AGBL1: variants seen among roughly 807,000 people sequenced by gnomAD.
AGBL1 encodes the protein cytosolic carboxypeptidase 4.
Under a neutral mutation model 118.9 loss-of-function variants are expected in AGBL1, and 130 were observed. The observed-to-expected ratio is 1.09, with a 90% CI of 0.95 to 1.26. The LOEUF (loss-of-function observed/expected upper bound fraction) is 1.26, where lower values mean the gene tolerates loss of function less well. Ranked by LOEUF, AGBL1 falls within the 50% of genes most tolerant of loss-of-function variation. The probability of loss-of-function intolerance (pLI) is 0.00; values close to 1 mark genes in which losing one functional copy is unlikely to be tolerated. For synonymous variants in AGBL1, 555 were observed against 478.9 expected (o/e 1.16, Z -2.08); for missense variants, 1,584 against 1,298.1 (o/e 1.22, Z -3.38).
intron 23 of AGBL1, among the ~76,000 whole-genome samples, chr15:86,926,826 C>G (rs1414459455): frequency 6.6e-6 from 1 of 152,182 alleles, no homozygotes; most frequent in African/African-American, 2.4e-5. Flanking sequence ...ACTTTTAGAA[C>G]TATTGCATTG....
intron 22 of AGBL1, among the ~76,000 whole-genome samples, chr15:86,899,577 T>C (rs1305846507): frequency 6.6e-6 from 1 of 152,190 alleles, no homozygotes; most frequent in South Asian, 2.1e-4. Flanking sequence ...TTCAAAATCT[T>C]AAAATTCTTT....
At chr15:86,851,894 G>A (rs1420102672) in intron 22 of AGBL1, among the ~76,000 whole-genome samples, 3 of 152,102 alleles carry the variant, frequency 2.0e-5, no homozygotes, top group African/African-American at 4.8e-5. Context: ...GACTCATTGT[G>A]GTGAATGGTT....
chr15:86,458,177 CA>C (rs532293019), intron 18 of AGBL1, among the ~76,000 whole-genome samples: 165 of 152,010 alleles, frequency 1.1e-3, no homozygotes, highest in Non-Finnish European at 1.8e-3. Context: ...AAGAAATGTA[CA>C]AAAATCAAGC....
intron 21 of AGBL1, among the ~76,000 whole-genome samples, chr15:86,618,615 A>G (rs1870579504): frequency 6.6e-6 from 1 of 152,186 alleles, no homozygotes; most frequent in Admixed American, 6.5e-5. Flanking sequence ...TATTTATGTC[A>G]CATGTATAGT....
At chr15:86,215,038 G>C (rs1447771281) in intron 5 of AGBL1, among the ~76,000 whole-genome samples, 1 of 152,142 alleles carries the variant, frequency 6.6e-6, no homozygotes, top group Admixed American at 6.6e-5. Flanking sequence ...CTGGGCACAG[G>C]ATCTGGTTCC....
intron 22 of AGBL1, among the ~76,000 whole-genome samples, chr15:86,794,726 G>C (rs2141336995): frequency 6.6e-6 from 1 of 152,132 alleles, no homozygotes; most frequent in African/African-American, 2.4e-5. Context: ...TCTGAAACTG[G>C]ACAGCCCTTA....
At chr15:86,170,860 C>A (rs1278915860) in intron 5 of AGBL1, among the ~76,000 whole-genome samples, 34 of 141,610 alleles carry the variant, frequency 2.4e-4, no homozygotes, top group Admixed American at 2.2e-3. Context: ...AAAACAAAAA[C>A]AAACAAAAAA....
At chr15:86,251,668 C>G (rs1459857037) in intron 7 of AGBL1, among the ~76,000 whole-genome samples, 2 of 152,036 alleles carry the variant, frequency 1.3e-5, no homozygotes, top group Non-Finnish European at 2.9e-5. Flanking sequence ...TCCTGAGTCT[C>G]ACGTTTCTGC....
Position 86,247,884 on chromosome 15 carries a change from G to T in AGBL1, c.735+5G>T, listed in dbSNP as rs1449118080. ...ATCCTCTTCAGCACCACACAGGCAG[G>T]CAGCATGGGGATTCACTCTGCAGCT... On this transcript the variant is annotated splice_donor_5th_base_variant and intron_variant, in intron 7 of 22. Coordinates refer to ENST00000614907, the MANE Select transcript of AGBL1 (RefSeq NM_001386094.1). 7 of 1,613,628 alleles carry T rather than the reference G, an allele frequency of 4.3e-6. No individual in the cohort carries two copies. Among genetic ancestry groups the T allele is most frequent in the Non-Finnish European group, 5.9e-6 (7 of 1,179,874 alleles).
Position 86,931,442 on chromosome 15 carries a change from A to G in AGBL1, c.3222-56545A>G, listed in dbSNP as rs1366519829. Among the ~76,000 whole-genome samples, 6 of 152,246 alleles carry G rather than the reference A, an allele frequency of 3.9e-5. No homozygotes were observed. In the South Asian group the frequency reaches 1.2e-3, roughly 32 times the overall value. ...CTCCTGCTGCAAAACCTGGGTAGGA[A>G]TGTTTGGCCTTACCATGCTGGGCAA... On this transcript the variant is annotated intron_variant, in intron 23 of 24. Coordinates refer to the AGBL1 transcript ENST00000441037.
intron 17 of AGBL1, among the ~76,000 whole-genome samples, chr15:86,342,982 G>T (rs1327380745): frequency 6.6e-6 from 1 of 152,146 alleles, no homozygotes; most frequent in Non-Finnish European, 1.5e-5. Context: ...AAATGTAGTT[G>T]TATTGCTGCA....
intron 5 of AGBL1, among the ~76,000 whole-genome samples, chr15:86,199,776 G>A (rs180838514): frequency 9.2e-5 from 14 of 152,134 alleles, no homozygotes; most frequent in Admixed American, 2.6e-4. Context: ...TAAAATTTGC[G>A]TAGTGTTTAT....
chr15:86,903,517 G>A (rs893227481), intron 22 of AGBL1, among the ~76,000 whole-genome samples: 1 of 152,002 alleles, frequency 6.6e-6, no homozygotes, highest in Non-Finnish European at 1.5e-5. Context: ...CTTGCTGTTG[G>A]CATGTCTTGA....
chr15:86,607,278 A>T (rs1026089744), intron 21 of AGBL1, among the ~76,000 whole-genome samples: 5 of 152,152 alleles, frequency 3.3e-5, no homozygotes, highest in Non-Finnish European at 7.4e-5. Flanking sequence ...GGGGATTGGA[A>T]GCCAATTGGG....
intron 17 of AGBL1, among the ~76,000 whole-genome samples, chr15:86,358,027 G>T (rs953309206): frequency 6.6e-6 from 1 of 152,100 alleles, no homozygotes; most frequent in African/African-American, 2.4e-5. Flanking sequence ...TAATTTTTTT[G>T]TGGTGAGAAC....
At chr15:86,850,943 C>A (rs1368699072) in intron 22 of AGBL1, among the ~76,000 whole-genome samples, 1 of 152,072 alleles carries the variant, frequency 6.6e-6, no homozygotes, top group Non-Finnish European at 1.5e-5. Flanking sequence ...TTGCCATGCC[C>A]ATTTTATTGA....
At chr15:86,795,606 C>A (rs577190547) in intron 22 of AGBL1, among the ~76,000 whole-genome samples, 3 of 147,144 alleles carry the variant, frequency 2.0e-5, no homozygotes, top group African/African-American at 5.0e-5. Flanking sequence ...TTTTTTGAGA[C>A]GGAATTTCAC....
intron 5 of AGBL1, among the ~76,000 whole-genome samples, chr15:86,190,650 G>A (rs1208810626): frequency 6.6e-6 from 1 of 152,166 alleles, no homozygotes; most frequent in Non-Finnish European, 1.5e-5. Flanking sequence ...GACTCAGGCT[G>A]TGTAAAGACA....
chr15:86,984,079 G>A (rs1368926405), intron 23 of AGBL1, among the ~76,000 whole-genome samples: 2 of 152,096 alleles, frequency 1.3e-5, no homozygotes, highest in Non-Finnish European at 2.9e-5. Flanking sequence ...TGTATGGTAA[G>A]TCCTATGTTT....
Sources: allele counts gnomAD v4.1 joint callset (sites outside exome capture counted in the v4.1 genomes callset), GRCh38; gene constraint gnomAD v4.1.1; transcripts MANE v1.5; gene names NCBI Gene and HGNC (gene_info 2026-07-23, HGNC 2026-07-21).